The following PTPRR variants were observed in gnomAD, a reference collection of about 807,000 sequenced individuals.
PTPRR encodes the protein receptor-type tyrosine-protein phosphatase R.
PTPRR carries 38 observed loss-of-function variants against 77.2 expected under a neutral mutation model. The observed-to-expected ratio is 0.49, with a 90% CI of 0.38 to 0.65. PTPRR has a LOEUF of 0.65. Ranked by LOEUF, PTPRR falls within the 30% of genes least tolerant of loss-of-function variation. The pLI is 0.00. For missense variants in PTPRR, 744 were observed against 799.2 expected (o/e 0.93, Z 0.83); for synonymous variants, 299 against 283.1 (o/e 1.06, Z -0.57).
chr12:70,787,556 G>A (rs1891348506), intron 2 of PTPRR, among the ~76,000 whole-genome samples: 1 of 152,042 alleles, frequency 6.6e-6, no homozygotes, highest in Non-Finnish European at 1.5e-5. Flanking sequence ...AACATTACAA[G>A]AAAATCACTA....
intron 6 of PTPRR, among the ~76,000 whole-genome samples, chr12:70,724,791 G>A (rs185458884): frequency 2.0e-5 from 3 of 152,004 alleles, no homozygotes; most frequent in Non-Finnish European, 2.9e-5. Flanking sequence ...GTATGTGTAT[G>A]TAAGTCTGGA....
At chr12:70,753,029 A>T (rs1565682636) in intron 5 of PTPRR, among the ~76,000 whole-genome samples, 2 of 151,002 alleles carry the variant, frequency 1.3e-5, no homozygotes, top group East Asian at 1.9e-4. Context: ...ATTCTTAGAA[A>T]TTTTTTTTTT....
At chr12:70,704,067 C>T (rs1888526076) in intron 6 of PTPRR, among the ~76,000 whole-genome samples, 1 of 152,064 alleles carries the variant, frequency 6.6e-6, no homozygotes, top group African/African-American at 2.4e-5. Flanking sequence ...AATTGGGGAG[C>T]AGGCTTATGT....
At chr12:70,741,581 G>A (rs114362398) in intron 6 of PTPRR, among the ~76,000 whole-genome samples, 90 of 152,250 alleles carry the variant, frequency 5.9e-4, no homozygotes, top group African/African-American at 2.1e-3. Context: ...AGAAAGCAGG[G>A]AAATTTGAGT....
At chr12:70,848,180 A>C (rs79148039) in intron 2 of PTPRR, among the ~76,000 whole-genome samples, 2,211 of 152,320 alleles carry the variant, frequency 0.015, 59 homozygotes, top group African/African-American at 0.05. Context: ...AAACAACTCT[A>C]AAAATAAAAT....
At chr12:70,783,953 G>GAAAATCGGA (rs2137001392) in intron 2 of PTPRR, among the ~76,000 whole-genome samples, 1 of 151,720 alleles carries the variant, frequency 6.6e-6, no homozygotes, top group East Asian at 2.0e-4. Context: ...CCTGGGCTCA[G>GAAAATCGGA]CCCCAACCCT....
At chr12:70,695,830 A>G (rs1888212782) in intron 8 of PTPRR, among the ~76,000 whole-genome samples, 1 of 152,160 alleles carries the variant, frequency 6.6e-6, no homozygotes, top group Admixed American at 6.6e-5. Context: ...ATAACCTTCA[A>G]TGGTGACTCT....
At chr12:70,676,256 G>A (rs905754902) in intron 10 of PTPRR, among the ~76,000 whole-genome samples, 1 of 151,690 alleles carries the variant, frequency 6.6e-6, no homozygotes, top group Admixed American at 6.6e-5. Flanking sequence ...TCATTTAGCT[G>A]TGTCTTGTTT....
intron 4 of PTPRR, among the ~76,000 whole-genome samples, chr12:70,758,235 A>G (rs902581785): frequency 6.6e-6 from 1 of 152,210 alleles, no homozygotes; most frequent in Middle Eastern, 3.2e-3. Context: ...TATCACATTT[A>G]TCATCAAAAC....
chr12:70,897,241 T>C (rs1002922956), intron 1 of PTPRR, among the ~76,000 whole-genome samples: 58 of 152,000 alleles, frequency 3.8e-4, no homozygotes, highest in Non-Finnish European at 5.3e-4. Flanking sequence ...AGAAAATTTT[T>C]GCAACCTACT....
At chr12:70,654,235 A>G (rs1886495157) in intron 13 of PTPRR, among the ~76,000 whole-genome samples, 1 of 152,166 alleles carries the variant, frequency 6.6e-6, no homozygotes. Flanking sequence ...AAATGCCAGG[A>G]CATAGCACAT....
At chr12:70,666,940 T>G (rs1373707756) in intron 10 of PTPRR, among the ~76,000 whole-genome samples, 1 of 47,458 alleles carries the variant, frequency 2.1e-5, no homozygotes, top group African/African-American at 1.5e-4. Flanking sequence ...TTTCTGTTTT[T>G]TTTTTTTTTT....
chr12:70,845,644 G>A (rs561573045), intron 2 of PTPRR, among the ~76,000 whole-genome samples: 49 of 152,170 alleles, frequency 3.2e-4, no homozygotes, highest in African/African-American at 1.2e-3. Context: ...GACCTCAACT[G>A]CATCATGAAT....
chr12:70,712,612 C>T (rs766787455), intron 6 of PTPRR, among the ~76,000 whole-genome samples: 2 of 151,296 alleles, frequency 1.3e-5, no homozygotes. Flanking sequence ...AGCAGATAGA[C>T]TGGTAAAAAA....
intron 10 of PTPRR, among the ~76,000 whole-genome samples, chr12:70,668,425 G>C (rs1887092960): frequency 6.6e-6 from 1 of 152,154 alleles, no homozygotes; most frequent in Non-Finnish European, 1.5e-5. Context: ...CACTGTTAGT[G>C]CTCCATAAAC....
chr12:70,814,087 A>AT (rs1891858026), intron 2 of PTPRR, among the ~76,000 whole-genome samples: 1 of 152,166 alleles, frequency 6.6e-6, no homozygotes, highest in African/African-American at 2.4e-5. Context: ...GTGTCCATAA[A>AT]TTTTTTCTAT....
chr12:70,902,233 C>G (rs1370156161), intron 1 of PTPRR, among the ~76,000 whole-genome samples: 1 of 151,822 alleles, frequency 6.6e-6, no homozygotes. Flanking sequence ...TAAACTAGTA[C>G]AGCCACTATG....
At chr12:70,741,430 C>A (rs1890042356) in intron 6 of PTPRR, among the ~76,000 whole-genome samples, 1 of 152,116 alleles carries the variant, frequency 6.6e-6, no homozygotes, top group Non-Finnish European at 1.5e-5. Context: ...GCAGAGGGAG[C>A]CTCAAATTGG....
At chr12:70,641,712 A>G (rs886124685) in intron 13 of PTPRR, among the ~76,000 whole-genome samples, 1 of 152,234 alleles carries the variant, frequency 6.6e-6, no homozygotes, top group South Asian at 2.1e-4. Context: ...AGTCACTGAC[A>G]ATATAGCTTT....
Sources: allele counts gnomAD v4.1 joint callset (sites outside exome capture counted in the v4.1 genomes callset), GRCh38; gene constraint gnomAD v4.1.1; transcripts MANE v1.5; gene names NCBI Gene and HGNC (gene_info 2026-07-23, HGNC 2026-07-21).